LOC122539214: variants seen among roughly 807,000 people sequenced by gnomAD.
At chr19:52,685,649 C>T in the LOC122539214 span, among the ~76,000 whole-genome samples, 1 of 152,098 alleles carries the variant, frequency 6.6e-6, no homozygotes, top group South Asian at 2.1e-4. Flanking sequence ...GTAATCCCAG[C>T]ACATTGGGAG....
At chr19:52,673,772 TGGGA>T in the LOC122539214 span, among the ~76,000 whole-genome samples, 3 of 148,420 alleles carry the variant, frequency 2.0e-5, no homozygotes, top group Non-Finnish European at 4.5e-5. Context: ...AGTGGCTCTT[TGGGA>T]GGCTGAGGTG....
chr19:52,676,179 C>T, the LOC122539214 span, among the ~76,000 whole-genome samples: 1 of 152,186 alleles, frequency 6.6e-6, no homozygotes, highest in Non-Finnish European at 1.5e-5. Context: ...GACGGGGTTT[C>T]GCTGTGTTGG....
chr19:52,660,073 C>T, the LOC122539214 span, among the ~76,000 whole-genome samples: 1 of 151,968 alleles, frequency 6.6e-6, no homozygotes, highest in African/African-American at 2.4e-5. Context: ...CGACTGTAAT[C>T]CCAGCTACTC....
At chr19:52,687,616 G>GTATATA in the LOC122539214 span, among the ~76,000 whole-genome samples, 1 of 15,822 alleles carries the variant, frequency 6.3e-5, no homozygotes, top group African/African-American at 4.6e-4. Context: ...TATATAATGT[G>GTATATA]TATATATATA....
At chr19:52,680,827 T>C in the LOC122539214 span, among the ~76,000 whole-genome samples, 1 of 150,422 alleles carries the variant, frequency 6.6e-6, no homozygotes, top group Non-Finnish European at 1.5e-5. Flanking sequence ...TTAGCCAGGA[T>C]GGTCTCGATC....
chr19:52,689,460 T>G, the LOC122539214 span, among the ~76,000 whole-genome samples: 1 of 152,038 alleles, frequency 6.6e-6, no homozygotes, highest in African/African-American at 2.4e-5. Flanking sequence ...CTGTTCTCCT[T>G]GCCACCAGCA....
At chr19:52,658,875 A>G in the LOC122539214 span, among the ~76,000 whole-genome samples, 15 of 152,332 alleles carry the variant, frequency 9.8e-5, no homozygotes, top group East Asian at 1.7e-3. Flanking sequence ...TTAATCATTC[A>G]TGAAACTACT....
chr19:52,677,966 C>T, the LOC122539214 span, among the ~76,000 whole-genome samples: 2 of 151,342 alleles, frequency 1.3e-5, no homozygotes, highest in African/African-American at 2.4e-5. Context: ...ACCTGGGAGT[C>T]GGAGGTTGCA....
the LOC122539214 span, among the ~76,000 whole-genome samples, chr19:52,688,795 G>A: frequency 2.0e-5 from 3 of 152,044 alleles, no homozygotes; most frequent in Non-Finnish European, 4.4e-5. Context: ...GGCCCACAAT[G>A]TGGCAAGGCA....
At chr19:52,688,968 AAAAAG>A in the LOC122539214 span, among the ~76,000 whole-genome samples, 1 of 144,160 alleles carries the variant, frequency 6.9e-6, no homozygotes, top group African/African-American at 2.6e-5. Flanking sequence ...AAAAAAAAAA[AAAAAG>A]AGAGAGATTA....
chr19:52,661,410 C>A, the LOC122539214 span, among the ~76,000 whole-genome samples: 1 of 152,112 alleles, frequency 6.6e-6, no homozygotes, highest in Non-Finnish European at 1.5e-5. Context: ...TGGCCCTAAC[C>A]AAACCCCATG....
the LOC122539214 span, among the ~76,000 whole-genome samples, chr19:52,682,860 CCTT>C: frequency 6.6e-6 from 1 of 151,962 alleles, no homozygotes; most frequent in Non-Finnish European, 1.5e-5. Context: ...CAGAGCGACA[CCTT>C]CTCTCTCTGT....
At chr19:52,671,281 A>C in the LOC122539214 span, among the ~76,000 whole-genome samples, 1 of 152,296 alleles carries the variant, frequency 6.6e-6, no homozygotes, top group Non-Finnish European at 1.5e-5. Flanking sequence ...ATTCTCAAAT[A>C]CTTTTTTTTA....
At chr19:52,654,053 C>T in the LOC122539214 span, 1 of 1,589,818 alleles carries the variant, frequency 6.3e-7, no homozygotes, top group African/African-American at 1.3e-5. Flanking sequence ...ATAGACTTCT[C>T]CACTTGATTA....
At chr19:52,654,717 C>A in the LOC122539214 span, 2 of 166,208 alleles carry the variant, frequency 1.2e-5, no homozygotes, top group South Asian at 3.6e-4. Context: ...AATTCCATGT[C>A]AAACAGAGTT....
the LOC122539214 span, among the ~76,000 whole-genome samples, chr19:52,673,723 C>CA: frequency 1.3e-5 from 2 of 151,284 alleles, no homozygotes; most frequent in African/African-American, 4.9e-5. Context: ...GACTCCAACT[C>CA]AAAAAAATAA....
At chr19:52,667,492 G>T in the LOC122539214 span, among the ~76,000 whole-genome samples, 1 of 152,174 alleles carries the variant, frequency 6.6e-6, no homozygotes, top group Non-Finnish European at 1.5e-5. Flanking sequence ...TTATGTGCAA[G>T]TTGTGTAAGG....
the LOC122539214 span, among the ~76,000 whole-genome samples, chr19:52,675,508 T>C: frequency 1.3e-5 from 2 of 152,124 alleles, no homozygotes; most frequent in African/African-American, 4.8e-5. Context: ...CATCATACCC[T>C]GCACACACTG....
the LOC122539214 span, among the ~76,000 whole-genome samples, chr19:52,672,408 C>T: frequency 2.0e-5 from 3 of 152,022 alleles, no homozygotes; most frequent in Non-Finnish European, 4.4e-5. Flanking sequence ...AATATGATTA[C>T]ATTTAGAAGG....
Sources: allele counts gnomAD v4.1 joint callset (sites outside exome capture counted in the v4.1 genomes callset), GRCh38; gene constraint gnomAD v4.1.1; transcripts MANE v1.5.